The following TANC1 variants were observed in gnomAD, a reference collection of about 807,000 sequenced individuals.
TANC1 encodes the protein tetratricopeptide repeat, ankyrin repeat and coiled-coil containing 1.
TANC1 carries 77 observed loss-of-function variants against 149.7 expected under a neutral mutation model. That is an observed-to-expected ratio of 0.51 (90% CI 0.43 to 0.62). The LOEUF is 0.62. Among genes scored for constraint, TANC1 ranks in the 20% least tolerant of loss-of-function variants. The pLI is 0.00. For synonymous variants in TANC1, 854 were observed against 925.0 expected, an observed-to-expected ratio of 0.92 and a Z score of 1.39; for missense variants, 1,985 against 2,321.8, an observed-to-expected ratio of 0.85 and a Z score of 2.98.
chr2:159,056,117 T>C, intron 2 of TANC1: 1 of 272,100 alleles, frequency 3.7e-6, no homozygotes, highest in Non-Finnish European at 7.6e-6. Flanking sequence ...AGCCTTAAGA[T>C]GTGGGAACTC....
intron 22 of TANC1, among the ~76,000 whole-genome samples, chr2:159,223,324 A>G (rs1322926436): frequency 6.6e-6 from 1 of 151,950 alleles, no homozygotes; most frequent in African/African-American, 2.4e-5. Context: ...AATTGTAGCC[A>G]TCGTAATGGG....
chr2:159,078,160 A>G (rs1029452117), intron 3 of TANC1, among the ~76,000 whole-genome samples: 6 of 152,188 alleles, frequency 3.9e-5, no homozygotes, highest in Non-Finnish European at 8.8e-5. Flanking sequence ...GTGCCCTGTG[A>G]TTCACTTGTG....
At chr2:159,064,395 C>A (rs2042497072) in intron 2 of TANC1, among the ~76,000 whole-genome samples, 1 of 152,184 alleles carries the variant, frequency 6.6e-6, no homozygotes, top group Non-Finnish European at 1.5e-5. Context: ...ACTCCGATAA[C>A]CTTCAGTATG....
At chr2:158,969,997 G>A (rs1412226890) in intron 1 of TANC1, among the ~76,000 whole-genome samples, 2 of 152,212 alleles carry the variant, frequency 1.3e-5, no homozygotes, top group East Asian at 1.9e-4. Context: ...TGGAAGCTGA[G>A]TCTTAACGTG....
intron 5 of TANC1, among the ~76,000 whole-genome samples, chr2:159,137,630 G>T (rs546267111): frequency 1.3e-5 from 2 of 152,308 alleles, no homozygotes; most frequent in South Asian, 4.1e-4. Flanking sequence ...GTGCGTTCAC[G>T]TGGGCAGGCA....
chr2:159,113,866 G>C (rs191692575), intron 4 of TANC1, among the ~76,000 whole-genome samples: 7 of 152,312 alleles, frequency 4.6e-5, no homozygotes, highest in Admixed American at 6.5e-5. Flanking sequence ...TCTAATTGCT[G>C]ACATTTGGAC....
At chr2:159,007,864 G>C (rs533108345) in intron 2 of TANC1, among the ~76,000 whole-genome samples, 1 of 152,318 alleles carries the variant, frequency 6.6e-6, no homozygotes, top group African/African-American at 2.4e-5. Flanking sequence ...AAACAGACCA[G>C]GGTGGAGGTG....
rs6755758 is a variant in TANC1, at chr2:159,230,060, C to A, written c.4634C>A (p.Ser1545Ter). The change falls in exon 27 of 27, where the codon TCG (serine) becomes TAG (stop). Residue 1545 changes from serine to a stop codon, truncating the protein, a stop_gained. Coordinates refer to ENST00000263635, the MANE Select transcript of TANC1 (RefSeq NM_033394.3). LOFTEE classifies it low-confidence loss of function (END_TRUNC). This position sits in a 1 kb window ranked among gnomAD's most constrained non-coding sequence, Gnocchi z 4.4. ...AGCCAGCACCTGGGCTCTGGCCAGT[C>A]GGCAGTGAGAAATGGCAGTATGAAA... ...KTSQHLGSGQ[S>*]AVRNGSMKVQ... The A allele has an allele frequency of 1.2e-6, 2 of 1,613,990 alleles. No individual in the cohort carries two copies. The highest frequency in any genetic ancestry group is 1.7e-6 in the Non-Finnish European group (2 of 1,180,048).
chr2:159,156,835 A>ACTT (rs5835735), intron 7 of TANC1, among the ~76,000 whole-genome samples: 149,814 of 152,268 alleles, frequency 0.98, 73,737 homozygotes, highest in East Asian at 1. Context: ...GTCTCTGGAG[A>ACTT]CTTCTCAGTT....
intron 22 of TANC1, among the ~76,000 whole-genome samples, chr2:159,220,116 C>G (rs1268742090): frequency 6.6e-6 from 1 of 151,772 alleles, no homozygotes; most frequent in African/African-American, 2.4e-5. Flanking sequence ...TTAAAAATAC[C>G]TGCTTGCAAA....
At chr2:159,013,520 A>G (rs945074043) in intron 2 of TANC1, among the ~76,000 whole-genome samples, 7 of 152,190 alleles carry the variant, frequency 4.6e-5, no homozygotes, top group African/African-American at 1.7e-4. Flanking sequence ...TGATAATTTC[A>G]CAATGCATTA....
At chr2:159,086,961 C>T (rs967716422) in intron 3 of TANC1, among the ~76,000 whole-genome samples, 5 of 151,194 alleles carry the variant, frequency 3.3e-5, no homozygotes, top group Admixed American at 1.3e-4. Flanking sequence ...TGTGGTGTTC[C>T]GTGCTACTCT....
chr2:159,091,973 T>G lies in TANC1; in HGVS notation c.62-5664T>G, dbSNP rs1236174609. 9.1e-4 allele frequency among the ~76,000 whole-genome samples: 132 copies of G among 145,712 alleles called. 1 individual carries two copies. The highest frequency in any genetic ancestry group is 1.1e-3 in the African/African-American group (44 of 39,760). On this transcript the variant is annotated intron_variant, in intron 3 of 26. Coordinates refer to ENST00000263635, the MANE Select transcript of TANC1 (RefSeq NM_033394.3). ...TTTTCTGTAAATATAGGGGGGGGTG[T>G]GTGTGTGTATGTATGTAGAGTTATG...
intron 16 of TANC1, among the ~76,000 whole-genome samples, chr2:159,188,258 GTAT>G (rs1351281630): frequency 2.0e-5 from 3 of 152,226 alleles, no homozygotes; most frequent in African/African-American, 7.2e-5. Context: ...TTTTTAGAGT[GTAT>G]TAAATGTTGT....
At chr2:159,063,469 G>A (rs775082445) in intron 2 of TANC1, among the ~76,000 whole-genome samples, 16 of 152,158 alleles carry the variant, frequency 1.1e-4, no homozygotes, top group Admixed American at 2.0e-4. Context: ...ACTTTGTATA[G>A]CTCCACTCTG....
chr2:159,195,869 C>T (rs559446598), intron 17 of TANC1, among the ~76,000 whole-genome samples: 39 of 152,318 alleles, frequency 2.6e-4, no homozygotes, highest in South Asian at 4.1e-4. Context: ...GGGTACAGGG[C>T]GTCCCCAGAG....
chr2:158,998,157 G>C (rs930627943), intron 1 of TANC1, among the ~76,000 whole-genome samples: 1 of 151,944 alleles, frequency 6.6e-6, no homozygotes, highest in Admixed American at 6.6e-5. Flanking sequence ...CCAGCTACTT[G>C]GGAGGCTGAG....
At chr2:159,030,185 ATT>A (rs1290579485) in intron 2 of TANC1, among the ~76,000 whole-genome samples, 1 of 152,136 alleles carries the variant, frequency 6.6e-6, no homozygotes, top group Admixed American at 6.5e-5. Context: ...CAAGGTTGGA[ATT>A]TTCTGGATTG....
chr2:159,035,446 A>G (rs1340788931), intron 2 of TANC1, among the ~76,000 whole-genome samples: 2 of 152,260 alleles, frequency 1.3e-5, no homozygotes, highest in African/African-American at 4.8e-5. Flanking sequence ...CTTTGAACAC[A>G]GGAATGCCAA....
Sources: gnomAD v4.1 joint callset for allele counts (sites outside exome capture counted in the v4.1 genomes callset) on GRCh38, gnomAD v4.1.1 for gene constraint, Gnocchi (gnomAD v3.1) non-coding constraint, MANE v1.5 for transcripts, NCBI Gene and HGNC (gene_info 2026-07-23, HGNC 2026-07-21) for gene names.